The following STAG1 variants were observed in gnomAD, a reference collection of about 807,000 sequenced individuals.
The protein encoded by STAG1 is STAG1 cohesin complex component.
Under a neutral mutation model 170.9 loss-of-function variants are expected in STAG1, and 26 were observed. The observed-to-expected ratio is 0.15, with a 90% confidence interval of 0.11 to 0.21. The LOEUF is 0.21. STAG1 is among the 10% of genes least tolerant of loss of function. STAG1 has a pLI of 1.00. For synonymous variants in STAG1, 514 were observed against 497.7 expected (o/e 1.03, Z -0.44); for missense variants, 964 against 1,509.5 (o/e 0.64, Z 5.99).
intron 6 of STAG1, among the ~76,000 whole-genome samples, chr3:136,532,029 T>A (rs1262851542): frequency 1.4e-5 from 2 of 144,582 alleles, no homozygotes; most frequent in Non-Finnish European, 3.0e-5. Context: ...ATAATACAGA[T>A]CAGACCAAAA....
intron 9 of STAG1, among the ~76,000 whole-genome samples, chr3:136,479,036 T>C (rs1302682600): frequency 6.6e-6 from 1 of 150,974 alleles, no homozygotes; most frequent in African/African-American, 2.4e-5. Flanking sequence ...ATCCTTCCAT[T>C]AAATGTTGGC....
intron 7 of STAG1, among the ~76,000 whole-genome samples, chr3:136,515,869 T>C (rs77465021): frequency 0.017 from 2,649 of 152,216 alleles, 82 homozygotes; most frequent in African/African-American, 0.061. Flanking sequence ...CACGAGAACA[T>C]CAGAAGTCTG....
intron 9 of STAG1, among the ~76,000 whole-genome samples, chr3:136,489,628 T>C (rs1042507248): frequency 2.6e-5 from 4 of 151,900 alleles, no homozygotes; most frequent in Non-Finnish European, 4.4e-5. Flanking sequence ...ATTTTATCAC[T>C]AAGATTAGGC....
intron 22 of STAG1, among the ~76,000 whole-genome samples, chr3:136,382,993 G>C (rs1331876929): frequency 6.6e-6 from 1 of 152,140 alleles, no homozygotes; most frequent in Admixed American, 6.5e-5. Flanking sequence ...TCAGAACTCA[G>C]TGCTTTTATT....
Position 136,747,506 on chromosome 3 carries a change from T to C in STAG1, c.-84+4689A>G, listed in dbSNP as rs1040616053. The stretch of plus-strand genomic sequence containing the variant: ...TAGTTTGAGACCAGCCTAGGCAACA[T>C]GGCAAAATCTCATCTCTATACAAAA... On this transcript the variant is annotated intron_variant, in intron 1 of 33. Transcript: ENST00000383202. Among the ~76,000 whole-genome samples the C allele has an allele frequency of 2.6e-5, 4 of 152,046 alleles. No individual in the cohort carries two copies. In the East Asian group the frequency reaches 7.8e-4, roughly 30 times the overall value.
rs566306938 is a variant in STAG1 at position 136,660,471 on chromosome 3, T to C, written c.-83-29490A>G. Among the ~76,000 whole-genome samples the C allele has an allele frequency of 7.9e-5, 12 of 152,258 alleles. No individual in the cohort carries two copies. In the East Asian group the frequency reaches 2.1e-3, roughly 27 times the overall value. On this transcript the variant is annotated intron_variant, in intron 1 of 33. Transcript: ENST00000383202. Reference sequence around the variant, plus strand: ...TTCAAAAAGTACTACTCAGGATGTTTTTCACGAGAAAAAAAACTACAAATA... The same window carrying C: ...TTCAAAAAGTACTACTCAGGATGTTCTTCACGAGAAAAAAAACTACAAATA...
intron 6 of STAG1, among the ~76,000 whole-genome samples, chr3:136,524,437 A>G (rs917606184): frequency 1.3e-5 from 2 of 152,126 alleles, no homozygotes; most frequent in African/African-American, 4.8e-5. Context: ...ATTTTTCCAC[A>G]TTGATTTTGT....
At chr3:136,361,295 T>G (rs1203222672) in intron 26 of STAG1, among the ~76,000 whole-genome samples, 1 of 152,196 alleles carries the variant, frequency 6.6e-6, no homozygotes, top group East Asian at 1.9e-4. Context: ...TTTATCTAGC[T>G]CAGTTTATTT....
chr3:136,700,177 C>T (rs1396158295), intron 1 of STAG1, among the ~76,000 whole-genome samples: 2 of 147,192 alleles, frequency 1.4e-5, no homozygotes, highest in African/African-American at 5.1e-5. Flanking sequence ...CAAATTGTTT[C>T]TTTTTCTCTA....
intron 7 of STAG1, among the ~76,000 whole-genome samples, chr3:136,519,388 T>C (rs534271140): frequency 7.2e-5 from 11 of 152,264 alleles, no homozygotes; most frequent in Non-Finnish European, 1.5e-4. Context: ...CATTTCACAA[T>C]ACTATCAGCC....
chr3:136,404,092 G>C (rs1279231812), intron 21 of STAG1, among the ~76,000 whole-genome samples: 1 of 152,128 alleles, frequency 6.6e-6, no homozygotes, highest in Non-Finnish European at 1.5e-5. Flanking sequence ...ATCCTAACTT[G>C]TCCAGAAATC....
chr3:136,745,205 T>TA (rs1402343261), intron 1 of STAG1, among the ~76,000 whole-genome samples: 3 of 152,172 alleles, frequency 2.0e-5, no homozygotes. Context: ...AACTAAATGG[T>TA]ACATCATTTT....
chr3:136,606,906 C>T (rs1938975515), intron 3 of STAG1, among the ~76,000 whole-genome samples: 1 of 151,640 alleles, frequency 6.6e-6, no homozygotes, highest in African/African-American at 2.4e-5. Flanking sequence ...GTGCCACCAC[C>T]CCGGCTAACT....
chr3:136,440,806 A>G (rs927070063), intron 15 of STAG1, among the ~76,000 whole-genome samples: 2 of 152,016 alleles, frequency 1.3e-5, no homozygotes, highest in Non-Finnish European at 1.5e-5. Flanking sequence ...CTTAGGCAAC[A>G]TGGTGAAACC....
intron 7 of STAG1, among the ~76,000 whole-genome samples, chr3:136,508,708 T>C (rs2107879479): frequency 6.6e-6 from 1 of 152,180 alleles, no homozygotes; most frequent in Non-Finnish European, 1.5e-5. Context: ...AATAAGTAAA[T>C]AAAATCCTGA....
rs1046795365 is a variant in STAG1 at position 136,567,698 on chromosome 3, T to C, written c.394+1067A>G. Among the ~76,000 whole-genome samples the C allele has an allele frequency of 2.0e-5, 3 of 152,194 alleles. No individual in the cohort carries two copies. The East Asian group carries it at 5.8e-4, about 29-fold the overall frequency. On this transcript the variant is annotated intron_variant, in intron 5 of 33. Coordinates refer to ENST00000383202, the MANE Select transcript of STAG1 (RefSeq NM_005862.3). ...TTTCACACTTGCTAACTGTATGATC[T>C]GGAATAAATTTACCTAAACCCTTTC...
At chr3:136,583,139 G>A (rs1937630520) in intron 4 of STAG1, among the ~76,000 whole-genome samples, 1 of 152,044 alleles carries the variant, frequency 6.6e-6, no homozygotes, top group Non-Finnish European at 1.5e-5. Context: ...TAGGCTCTCA[G>A]GCAATTCATT....
chr3:136,676,570 T>C (rs1942134230), intron 1 of STAG1, among the ~76,000 whole-genome samples: 1 of 152,074 alleles, frequency 6.6e-6, no homozygotes, highest in South Asian at 2.1e-4. Flanking sequence ...CTCAACCTAC[T>C]GAATAGCTAA....
intron 1 of STAG1, among the ~76,000 whole-genome samples, chr3:136,677,200 T>C (rs1434347642): frequency 6.6e-6 from 1 of 152,238 alleles, no homozygotes; most frequent in Non-Finnish European, 1.5e-5. Context: ...ATGTACTATA[T>C]GTAATTGTAT....
Sources: allele counts gnomAD v4.1 joint callset (sites outside exome capture counted in the v4.1 genomes callset), GRCh38; gene constraint gnomAD v4.1.1; transcripts MANE v1.5; gene names NCBI Gene and HGNC (gene_info 2026-07-23, HGNC 2026-07-21).